Variants in ANO7 observed in about 807,000 individuals in gnomAD.
ANO7 encodes anoctamin-7.
A neutral mutation model predicts 115.8 loss-of-function variants in ANO7; 114 were observed. That is an observed-to-expected ratio of 0.98 (90% CI 0.85 to 1.15). The LOEUF (loss-of-function observed/expected upper bound fraction) is 1.15, where lower values mean the gene tolerates loss of function less well. Among genes scored for constraint, ANO7 ranks in the 50% most tolerant of loss-of-function variants. ANO7 has a pLI of 0.00. For synonymous variants in ANO7, 550 were observed against 498.2 expected (o/e 1.10, Z -1.38); for missense variants, 1,302 against 1,201.2 (o/e 1.08, Z -1.24).
the ANO7 span, chr2:241,231,011 G>C: frequency 7.2e-7 from 1 of 1,390,612 alleles, no homozygotes; most frequent in African/African-American, 1.4e-5. Flanking sequence ...GGCAAGAGCC[G>C]GCCCCCACTG....
At chr2:241,227,650 C>G (rs1230357140), downstream of ANO7, 2 of 152,628 alleles carry the variant, frequency 1.3e-5, no homozygotes, top group Non-Finnish European at 2.9e-5. Context: ...ATGTGCAAAA[C>G]TTGGTGAGAA....
rs758411678 is a variant in ANO7 at position 241,199,394 on chromosome 2, G to A, written c.388G>A (p.Glu130Lys). ...CTGGGCTGTGCTCTGCTACTACGCC[G>A]AAGACCTGCGCCTGAAGCTGCCCTT... Reference protein sequence around the residue: ...ASWAVLCYYAEDLRLKLPLQE... With the variant: ...ASWAVLCYYAKDLRLKLPLQE... The change falls in exon 5 of 25, where the codon GAA becomes AAA. Residue 130 changes from glutamate to lysine, a missense_variant. Transcript: ENST00000674324. 18 of 1,613,684 alleles carry A rather than the reference G, an allele frequency of 1.1e-5. No homozygotes were observed. The highest frequency in any genetic ancestry group is 3.3e-5 in the Admixed American group (2 of 60,002).
At chr2:241,226,393 A>G (rs930257001), downstream of ANO7, among the ~76,000 whole-genome samples, 22 of 151,242 alleles carry the variant, frequency 1.5e-4, no homozygotes, top group African/African-American at 5.3e-4. Context: ...TTTAGGGCCC[A>G]ACAGAACTGC....
the ANO7 span, among the ~76,000 whole-genome samples, chr2:241,237,790 T>C: frequency 0.033 from 5,091 of 152,326 alleles, 528 homozygotes; most frequent in Admixed American, 0.19. Flanking sequence ...CTTTATACTA[T>C]TCTGTGAAAT....
rs767528982 is a variant in ANO7 at position 241,200,118 on chromosome 2, G to A, written c.447G>A (p.Ser149=). 1.3e-5 allele frequency: 21 copies of A among 1,612,856 alleles called. No homozygotes were observed. The highest frequency in any genetic ancestry group is 7.7e-5 in the South Asian group (7 of 91,050). ...TACCCAACCAGGCCTCCAACTGGTC[G>A]GCCGGCCTGCTGGCATGGCTGGGCA... ...QELPNQASNW[S]AGLLAWLGIP... is the part of the protein sequence containing the mutation. The change falls in exon 6 of 25, where the codon TCG becomes TCA. Residue 149 remains serine, a synonymous_variant. Coordinates refer to ENST00000674324, the MANE Select transcript of ANO7 (RefSeq NM_001370694.2).
chr2:241,229,799 C>T (rs1559468324), downstream of ANO7: 4 of 1,562,944 alleles, frequency 2.6e-6, no homozygotes, highest in Admixed American at 7.5e-5. Context: ...CCCACCCTCC[C>T]TGGGACCCAG....
chr2:241,210,153 G>A (rs1172406824), intron 13 of ANO7, 142 bp from the exon 14 acceptor site: 17 of 768,468 alleles, frequency 2.2e-5, no homozygotes, highest in East Asian at 1.3e-4. Context: ...GAGCACAGCC[G>A]GGGCTGGAGG....
At chr2:241,201,418 C>A (rs1190182285) in intron 7 of ANO7, 63 bp downstream of exon 7, 31 of 1,551,030 alleles carry the variant, frequency 2.0e-5, no homozygotes, top group Admixed American at 7.1e-5. Context: ...TCCTGCCAGC[C>A]CCCAGCCTCC....
At chr2:241,213,465 C>T (rs1381341384) in intron 17 of ANO7, among the ~76,000 whole-genome samples, 3 of 152,210 alleles carry the variant, frequency 2.0e-5, no homozygotes, top group Non-Finnish European at 4.4e-5. Context: ...GTTGTTGTCA[C>T]GGGGGTCCCT....
downstream of ANO7, chr2:241,229,748 G>T: frequency 6.2e-7 from 1 of 1,608,472 alleles, no homozygotes; most frequent in South Asian, 1.1e-5. Context: ...AGCAGCTTCC[G>T]ACGCAGTTGC....
intron 15 of ANO7, 66 bp from the exon 16 acceptor site, chr2:241,212,028 G>A: frequency 7.8e-7 from 1 of 1,279,734 alleles, no homozygotes; most frequent in Non-Finnish European, 1.1e-6. Context: ...GGTCCTAGGA[G>A]AGGGGGCCCC....
chr2:241,230,683 C>T, downstream of ANO7: 4 of 1,288,554 alleles, frequency 3.1e-6, no homozygotes, highest in Non-Finnish European at 4.4e-6. This position sits in a 1 kb window ranked among gnomAD's most constrained non-coding sequence, Gnocchi z 5.0. Flanking sequence ...AAGGCCATGC[C>T]CTGCTCTTTC....
intron 21 of ANO7, among the ~76,000 whole-genome samples, 161 bp downstream of exon 21, chr2:241,218,542 G>C (rs1369869500): frequency 1.3e-5 from 2 of 151,688 alleles, no homozygotes; most frequent in Non-Finnish European, 2.9e-5. Context: ...GGCAGGGGCT[G>C]GGGGGAGGTT....
Position 241,206,149 on chromosome 2 carries a change from G to A in ANO7, c.980+1194G>A, listed in dbSNP as rs2068586391. 6.5e-5 allele frequency among the ~76,000 whole-genome samples: 2 copies of A among 30,952 alleles called. 1 individual carries two copies. The highest frequency in any genetic ancestry group is 1.2e-4 in the Non-Finnish European group (2 of 17,384). The allele number at this position is 30,952 out of a possible 152,430, so 20.3% of individuals were successfully genotyped here. Reference sequence around the variant, plus strand: ...TGACAGGTGGACAGGAGTGCTCCCAGGCTGACAGCTGGGCAGGAATGCTCC... The same window carrying A: ...TGACAGGTGGACAGGAGTGCTCCCAAGCTGACAGCTGGGCAGGAATGCTCC... On this transcript the variant is annotated intron_variant, in intron 10 of 24. Coordinates refer to ENST00000674324, the MANE Select transcript of ANO7 (RefSeq NM_001370694.2).
At chr2:241,199,689 C>CT (rs2068424844) in intron 5 of ANO7, among the ~76,000 whole-genome samples, 1 of 152,368 alleles carries the variant, frequency 6.6e-6, no homozygotes, top group Admixed American at 6.5e-5. Context: ...AGACCCCCGC[C>CT]AGGCCACCTG....
At chr2:241,235,404 A>T in the ANO7 span, 2 of 1,468,562 alleles carry the variant, frequency 1.4e-6, no homozygotes, top group East Asian at 4.5e-5. Context: ...GGCAGAGTCA[A>T]CAGGAAGTTG....
intron 11 of ANO7, among the ~76,000 whole-genome samples, chr2:241,208,924 T>C (rs11681647): frequency 0.8 from 121,183 of 151,438 alleles, 49,119 homozygotes; most frequent in African/African-American, 0.9. Context: ...CCAAGGCGGG[T>C]GGATCACAAG....
intron 7 of ANO7, 72 bp downstream of exon 7, chr2:241,201,427 C>A: frequency 3.3e-6 from 5 of 1,524,508 alleles, no homozygotes; most frequent in East Asian, 2.3e-5. Flanking sequence ...CCCCCAGCCT[C>A]CATGGATGCA....
intron 2 of ANO7, 67 bp from the exon 3 acceptor site, chr2:241,191,127 G>C: frequency 6.4e-7 from 1 of 1,572,948 alleles, no homozygotes. Flanking sequence ...GGGTGGGGCG[G>C]GGTGGGTGTA....
Sources: gnomAD v4.1 joint callset for allele counts (sites outside exome capture counted in the v4.1 genomes callset) on GRCh38, gnomAD v4.1.1 for gene constraint, Gnocchi (gnomAD v3.1) non-coding constraint, MANE v1.5 for transcripts, NCBI Gene and HGNC (gene_info 2026-07-23, HGNC 2026-07-21) for gene names.